MED12L: variants seen among roughly 807,000 people sequenced by gnomAD.
The protein encoded by MED12L is mediator complex subunit 12L, also known as mediator of RNA polymerase II transcription subunit 12-like protein.
Under a neutral mutation model 281.3 loss-of-function variants are expected in MED12L, and 60 were observed. The observed-to-expected ratio is 0.21, with a 90% confidence interval of 0.17 to 0.26. The LOEUF (loss-of-function observed/expected upper bound fraction) is 0.26. Among genes scored for constraint, MED12L ranks in the 10% least tolerant of loss-of-function variants. MED12L has a pLI of 1.00. For synonymous variants in MED12L, 974 were observed against 987.2 expected, an observed-to-expected ratio of 0.99 and a Z score of 0.25; for missense variants, 2,146 against 2,680.9, an observed-to-expected ratio of 0.80 and a Z score of 4.41.
chr3:151,247,970 T>C lies in MED12L; in HGVS notation c.2250+54304T>C, dbSNP rs1157738032. On this transcript the variant is annotated intron_variant, in intron 16 of 44. Transcript: ENST00000687756. Reference sequence around the variant, plus strand: ...TCTTTCTTCTTCTTCTTCTTTTTTTTTTTTTTTTTTTTTTTGCCTGAGAAA... The same window carrying C: ...TCTTTCTTCTTCTTCTTCTTTTTTTCTTTTTTTTTTTTTTTGCCTGAGAAA... 1.4e-3 allele frequency among the ~76,000 whole-genome samples: 194 copies of C among 143,180 alleles called. 1 individual carries two copies. The highest frequency in any genetic ancestry group is 2.6e-3 in the Non-Finnish European group (171 of 65,554). 93.9% of individuals were successfully genotyped at this position (143,180 alleles called of 152,430 possible).
At chr3:151,129,570 T>C (rs954726513) in intron 5 of MED12L, among the ~76,000 whole-genome samples, 2 of 152,110 alleles carry the variant, frequency 1.3e-5, no homozygotes, top group African/African-American at 4.8e-5. Flanking sequence ...ACATTTTCAT[T>C]ACAAAATTTT....
chr3:151,388,489 C>T lies in MED12L; in HGVS notation c.5451+317C>T, dbSNP rs370001270. On this transcript the variant is annotated intron_variant, in intron 37 of 44. Transcript: ENST00000687756. ...CTTGAAATTTTTAGAACTATACAAT[C>T]CCATTCTCTCACATATTTTTAATAT... Among the ~76,000 whole-genome samples, 7 of 152,276 alleles carry T rather than the reference C, an allele frequency of 4.6e-5. No individual in the cohort carries two copies. The South Asian group carries it at 1.5e-3, about 32-fold the overall frequency.
intron 38 of MED12L, among the ~76,000 whole-genome samples, chr3:151,391,518 G>A (rs1714226784): frequency 6.6e-6 from 1 of 151,676 alleles, no homozygotes; most frequent in South Asian, 2.1e-4. Context: ...GGCTTCCTTG[G>A]GCCACATTGG....
At chr3:151,181,266 G>A (rs1040440913) in intron 11 of MED12L, among the ~76,000 whole-genome samples, 4 of 152,110 alleles carry the variant, frequency 2.6e-5, no homozygotes, top group Non-Finnish European at 5.9e-5. Flanking sequence ...TAAGTAAAAT[G>A]AAAGTCACAT....
intron 16 of MED12L, chr3:151,198,590 G>A: frequency 6.2e-7 from 1 of 1,613,986 alleles, no homozygotes; most frequent in Non-Finnish European, 8.5e-7. Context: ...AGCCTCTTTG[G>A]CTTTGAAGAG....
intron 16 of MED12L, among the ~76,000 whole-genome samples, chr3:151,260,319 G>C (rs1363290716): frequency 6.6e-6 from 1 of 152,014 alleles, no homozygotes; most frequent in Non-Finnish European, 1.5e-5. Flanking sequence ...TCTTAATCTA[G>C]GTCTACTAAT....
intron 16 of MED12L, among the ~76,000 whole-genome samples, chr3:151,197,048 A>G (rs1294417434): frequency 6.6e-6 from 1 of 152,174 alleles, no homozygotes; most frequent in Non-Finnish European, 1.5e-5. Context: ...TCTTTTTCCT[A>G]ATAAGTCTTT....
chr3:151,307,055 G>A (rs1171397254), intron 16 of MED12L, among the ~76,000 whole-genome samples: 1 of 152,170 alleles, frequency 6.6e-6, no homozygotes, highest in African/African-American at 2.4e-5. Flanking sequence ...TGTAGTTCCT[G>A]CATTTTTGTG....
chr3:151,423,540 A>C (rs972348788), intron 43 of MED12L, among the ~76,000 whole-genome samples: 3 of 152,204 alleles, frequency 2.0e-5, no homozygotes, highest in Admixed American at 6.5e-5. Context: ...AGTTGCTTGT[A>C]TTCTGTGAAG....
chr3:151,148,326 T>C lies in MED12L; in HGVS notation c.557-7835T>C, dbSNP rs1013194342. ...CTTTTCACCCTGTTAATTGTGTCTTTGATCAAAAAAGTATTTTAACAACAG... is the reference window on the plus strand; with the variant it reads ...CTTTTCACCCTGTTAATTGTGTCTTCGATCAAAAAAGTATTTTAACAACAG... On this transcript the variant is annotated intron_variant, in intron 5 of 44. Transcript: ENST00000687756. 2.6e-5 allele frequency among the ~76,000 whole-genome samples: 4 copies of C among 152,218 alleles called. 1 individual carries two copies. The highest frequency in any genetic ancestry group is 2.6e-4 in the Admixed American group (4 of 15,282).
At chr3:151,090,914 G>A (rs992986853) in intron 2 of MED12L, among the ~76,000 whole-genome samples, 1 of 152,026 alleles carries the variant, frequency 6.6e-6, no homozygotes, top group Non-Finnish European at 1.5e-5. Context: ...GGTGGTAGGC[G>A]CCTGTAATCC....
chr3:151,186,212 T>C (rs1723246887), intron 12 of MED12L, among the ~76,000 whole-genome samples: 1 of 152,156 alleles, frequency 6.6e-6, no homozygotes, highest in Non-Finnish European at 1.5e-5. Context: ...AAGCAGGCCT[T>C]CCTTTCTGCC....
At chr3:151,394,930 GT>G in intron 39 of MED12L, 63 bp downstream of exon 39, 1 of 1,604,360 alleles carries the variant, frequency 6.2e-7, no homozygotes, top group South Asian at 1.1e-5. Context: ...CTTGGGATAA[GT>G]TTGGGATATG....
At chr3:151,336,791 G>A (rs539858597) in intron 16 of MED12L, 7 of 270,828 alleles carry the variant, frequency 2.6e-5, no homozygotes, top group South Asian at 1.8e-4. Context: ...GTTGTATATG[G>A]TATGGTGAGT....
intron 16 of MED12L, among the ~76,000 whole-genome samples, chr3:151,293,267 T>A (rs1744503405): frequency 6.6e-6 from 1 of 152,222 alleles, no homozygotes; most frequent in Non-Finnish European, 1.5e-5. Context: ...TTTACAAGAC[T>A]CTAAATGAAG....
intron 39 of MED12L, among the ~76,000 whole-genome samples, chr3:151,403,007 T>C (rs1715870971): frequency 1.3e-5 from 2 of 148,736 alleles, no homozygotes; most frequent in South Asian, 2.1e-4. Context: ...TTCCTTCCTT[T>C]TTCTTTCTTT....
intron 16 of MED12L, chr3:151,197,961 A>G (rs1724903770): frequency 6.5e-6 from 1 of 152,794 alleles, no homozygotes. Context: ...TAGAAATAAA[A>G]TAGGCACAAG....
At chr3:151,128,008 C>G (rs7427471) in intron 5 of MED12L, 24 bp downstream of exon 5, 289,820 of 1,585,138 alleles carry the variant, frequency 0.18, 28,974 homozygotes, top group African/African-American at 0.36. Context: ...TACAATACAC[C>G]TTACATTTCA....
In MED12L at chr3:151,165,947, A is replaced by T. The variant is rs1720660566; in HGVS notation, c.1459A>T (p.Ile487Phe). 1 of 1,613,400 alleles carries T rather than the reference A, an allele frequency of 6.2e-7. No homozygotes were observed. Reference sequence around the variant, plus strand: ...TTCCATGGAGACACTTTATCATAAGATTTTCTGGGCAAACCAAAACAAAGA... The same window carrying T: ...TTCCATGGAGACACTTTATCATAAGTTTTTCTGGGCAAACCAAAACAAAGA... ...SNSMETLYHK[I>F]FWANQNKDNQ... is the part of the protein sequence containing the mutation. The change falls in exon 11 of 45, where the codon ATT (isoleucine) becomes TTT (phenylalanine). Residue 487 changes from isoleucine (I) to phenylalanine (F), a missense_variant. Transcript: ENST00000687756.
Sources: gnomAD v4.1 joint callset for allele counts (sites outside exome capture counted in the v4.1 genomes callset) on GRCh38, gnomAD v4.1.1 for gene constraint, MANE v1.5 for transcripts, NCBI Gene and HGNC (gene_info 2026-07-23, HGNC 2026-07-21) for gene names.